PTPRD: variants seen among roughly 807,000 people sequenced by gnomAD.
PTPRD encodes receptor-type tyrosine-protein phosphatase delta.
A neutral mutation model predicts 214.5 loss-of-function variants in PTPRD; 34 were observed. The observed-to-expected ratio is 0.16, with a 90% CI of 0.12 to 0.21. The LOEUF is 0.21. PTPRD is among the 10% of genes least tolerant of loss of function. PTPRD has a pLI of 1.00. For synonymous variants in PTPRD, 1,128 were observed against 845.7 expected (o/e 1.33, Z -5.79); for missense variants, 2,545 against 2,398.7 (o/e 1.06, Z -1.27).
At chr9:9,140,641 C>G (rs951402386) in intron 10 of PTPRD, among the ~76,000 whole-genome samples, 5 of 152,296 alleles carry the variant, frequency 3.3e-5, no homozygotes, top group East Asian at 1.9e-4. Flanking sequence ...TGCAGAGGCG[C>G]GATCTCGGCT....
intron 2 of PTPRD, among the ~76,000 whole-genome samples, chr9:10,373,330 C>G (rs2097667639): frequency 6.6e-6 from 1 of 151,880 alleles, no homozygotes; most frequent in East Asian, 1.9e-4. Context: ...TACTGAAAAC[C>G]TATTTATGTT....
rs2049877158 is a variant in PTPRD at position 9,348,629 on chromosome 9, G to C, written c.-203+48820C>G. On this transcript the variant is annotated intron_variant, in intron 9 of 45. Coordinates refer to ENST00000381196, the MANE Select transcript of PTPRD (RefSeq NM_002839.4). Reference sequence around the variant, plus strand: ...TAATGGGACGTTGGGGACAGGAGTTGGGGTAAGAGTTTGTACCCAAGTACA... The same window carrying C: ...TAATGGGACGTTGGGGACAGGAGTTCGGGTAAGAGTTTGTACCCAAGTACA... Among the ~76,000 whole-genome samples the C allele has an allele frequency of 2.0e-5, 3 of 152,066 alleles. No homozygotes were observed. In the South Asian group the frequency reaches 6.2e-4, roughly 32 times the overall value.
chr9:8,922,916 G>A (rs1016139692), intron 11 of PTPRD, among the ~76,000 whole-genome samples: 2 of 151,614 alleles, frequency 1.3e-5, no homozygotes, highest in Non-Finnish European at 2.9e-5. Flanking sequence ...ACCCACCTCA[G>A]CCTCCCTAAG....
chr9:9,044,895 C>T (rs907288712), intron 10 of PTPRD, among the ~76,000 whole-genome samples: 1 of 152,140 alleles, frequency 6.6e-6, no homozygotes, highest in Admixed American at 6.5e-5. Context: ...TGTCTAGAAG[C>T]ACAACCCAAG....
chr9:9,009,433 T>G (rs1423319394), intron 11 of PTPRD, among the ~76,000 whole-genome samples: 2 of 152,056 alleles, frequency 1.3e-5, no homozygotes, highest in Admixed American at 6.6e-5. Flanking sequence ...TTATTTTATT[T>G]TAAGTTCCAG....
intron 7 of PTPRD, among the ~76,000 whole-genome samples, chr9:9,575,414 T>A (rs1253351213): frequency 6.6e-6 from 1 of 151,974 alleles, no homozygotes; most frequent in Admixed American, 6.6e-5. Flanking sequence ...TACCATTGTG[T>A]GTGACTTTAT....
intron 3 of PTPRD, among the ~76,000 whole-genome samples, chr9:10,083,423 C>T (rs1448532943): frequency 2.6e-5 from 4 of 151,998 alleles, no homozygotes; most frequent in African/African-American, 4.8e-5. Context: ...ATACACAATG[C>T]TTGTTGTAAA....
chr9:8,681,880 T>C (rs534284960), intron 12 of PTPRD, among the ~76,000 whole-genome samples: 1 of 152,210 alleles, frequency 6.6e-6, no homozygotes. Flanking sequence ...ACTGTTTTCA[T>C]TATTACATTC....
chr9:10,590,379 T>G (rs989625103), intron 2 of PTPRD, among the ~76,000 whole-genome samples: 2 of 152,028 alleles, frequency 1.3e-5, no homozygotes, highest in Non-Finnish European at 2.9e-5. Flanking sequence ...GAGCAGTTTT[T>G]CAAACACATA....
At chr9:9,949,475 C>T (rs1463657813) in intron 4 of PTPRD, among the ~76,000 whole-genome samples, 2 of 151,534 alleles carry the variant, frequency 1.3e-5, no homozygotes, top group African/African-American at 4.9e-5. Context: ...GTTTTCCTTC[C>T]TCCATCTTCA....
At chr9:8,958,469 C>G (rs1280989179) in intron 11 of PTPRD, among the ~76,000 whole-genome samples, 2 of 151,796 alleles carry the variant, frequency 1.3e-5, no homozygotes, top group Non-Finnish European at 2.9e-5. Context: ...GACCTTTTGC[C>G]CTAATCTCTG....
At chr9:9,078,970 C>T (rs1293842884) in intron 10 of PTPRD, among the ~76,000 whole-genome samples, 1 of 151,894 alleles carries the variant, frequency 6.6e-6, no homozygotes, top group African/African-American at 2.4e-5. Flanking sequence ...ATTAGCATAG[C>T]CATGTTTCAA....
chr9:10,563,185 T>C (rs1000690485), intron 2 of PTPRD, among the ~76,000 whole-genome samples: 4 of 152,194 alleles, frequency 2.6e-5, no homozygotes, highest in African/African-American at 9.6e-5. Flanking sequence ...GCAGTGGTTT[T>C]CCTGGGTTTG....
intron 2 of PTPRD, among the ~76,000 whole-genome samples, chr9:10,447,039 C>T (rs1440232903): frequency 2.0e-5 from 3 of 152,098 alleles, no homozygotes; most frequent in Non-Finnish European, 4.4e-5. Flanking sequence ...CAATAATTTG[C>T]TCACATAGGT....
chr9:8,526,144 G>GT (rs988227762), intron 17 of PTPRD, among the ~76,000 whole-genome samples: 7 of 151,722 alleles, frequency 4.6e-5, no homozygotes, highest in African/African-American at 1.7e-4. Flanking sequence ...ATGCTCCAGG[G>GT]TGTCTTCTGC....
At chr9:9,957,684 A>G (rs1391568482) in intron 4 of PTPRD, among the ~76,000 whole-genome samples, 1 of 152,110 alleles carries the variant, frequency 6.6e-6, no homozygotes, top group African/African-American at 2.4e-5. Context: ...TGATACTGAC[A>G]AATGAATCCT....
intron 35 of PTPRD, among the ~76,000 whole-genome samples, chr9:8,430,660 T>A (rs942175): frequency 0.47 from 71,132 of 151,648 alleles, 17,166 homozygotes; most frequent in East Asian, 0.61. Context: ...GTAGTACCTA[T>A]AATTCTACAT....
chr9:9,472,282 C>A (rs4742601), intron 8 of PTPRD, among the ~76,000 whole-genome samples: 126,172 of 146,750 alleles, frequency 0.86, 54,323 homozygotes, highest in Middle Eastern at 0.93. Flanking sequence ...CGGCTCACTG[C>A]AAGCTCCGCT....
chr9:8,515,613 T>C (rs1320193637), intron 21 of PTPRD, among the ~76,000 whole-genome samples: 2 of 152,196 alleles, frequency 1.3e-5, no homozygotes, highest in African/African-American at 2.4e-5. Flanking sequence ...GGCATGCTTT[T>C]GGGAAGAACA....
Sources: allele counts gnomAD v4.1 joint callset (sites outside exome capture counted in the v4.1 genomes callset), GRCh38; gene constraint gnomAD v4.1.1; transcripts MANE v1.5; gene names NCBI Gene and HGNC (gene_info 2026-07-23, HGNC 2026-07-21).